Variants in CYB5R2 observed in about 807,000 individuals in gnomAD.
CYB5R2 encodes NADH-cytochrome b5 reductase 2.
Under a neutral mutation model 29.8 loss-of-function variants are expected in CYB5R2, and 35 were observed. The observed-to-expected ratio is 1.17, with a 90% CI of 0.90 to 1.56. The LOEUF (loss-of-function observed/expected upper bound fraction) is 1.56. CYB5R2 is among the 40% of genes most tolerant of loss of function. CYB5R2 has a pLI of 0.00. For synonymous variants in CYB5R2, 169 were observed against 130.6 expected, an observed-to-expected ratio of 1.29 and a Z score of -2.01; for missense variants, 419 against 346.7, an observed-to-expected ratio of 1.21 and a Z score of -1.66.
Position 7,667,646 on chromosome 11 carries a change from C to G in CYB5R2, c.558+82G>C. 25 of 1,275,062 alleles carry G rather than the reference C, an allele frequency of 2.0e-5. No homozygotes were observed. In the South Asian group the frequency reaches 3.0e-4, roughly 15 times the overall value. 79.0% of individuals were successfully genotyped at this position (1,275,062 alleles called of 1,614,324 possible). ...TGCAGGCACCCAAGCAGCATGAGCT[C>G]AGTCAATGCAGGAGAAATGAAAACA... On this transcript the variant is annotated intron_variant, in intron 7 of 8. Transcript: ENST00000299498.
At chr11:7,666,421 CAT>C in intron 8 of CYB5R2, 28 bp downstream of exon 8, 1 of 1,440,948 alleles carries the variant, frequency 6.9e-7, no homozygotes, top group Non-Finnish European at 9.8e-7. Flanking sequence ...GGTGCTGACC[CAT>C]GGTGAGTGAG....
In CYB5R2 at chr11:7,669,258, C is replaced by G. The variant is rs1225499249; in HGVS notation, c.335G>C (p.Gly112Ala). Residue 112 changes from glycine to alanine, a missense_variant, in exon 5 of 9, where the codon GGG becomes GCG. Transcript: ENST00000299498. ...TGGCCCTCGAAAAAAGATGGTCTCC[C>G]CGATTTTCATGTTCTCCAAATACTG... ...MTQYLENMKIGETIFFRGPRG... is the reference protein window; with the variant it reads ...MTQYLENMKIAETIFFRGPRG... 11 of 1,614,026 alleles carry G rather than the reference C, an allele frequency of 6.8e-6. No individual in the cohort carries two copies. The highest frequency in any genetic ancestry group is 9.3e-6 in the Non-Finnish European group (11 of 1,180,024).
intron 4 of CYB5R2, 63 bp downstream of exon 4, chr11:7,669,562 C>T: frequency 1.5e-6 from 2 of 1,372,754 alleles, no homozygotes; most frequent in Non-Finnish European, 1.0e-6. Context: ...ACTGCCCCTC[C>T]ACCCCACCAC....
chr11:7,674,159 G>A, upstream of CYB5R2: 2 of 1,233,612 alleles, frequency 1.6e-6, no homozygotes, highest in Non-Finnish European at 2.1e-6. Flanking sequence ...CCGGGCGGAG[G>A]GGGATGCTGG....
At position 7,665,859 on chromosome 11, in the gene CYB5R2, T is replaced by G. The variant is rs751143333; in HGVS notation, c.659-313A>C. On this transcript the variant is annotated intron_variant, in intron 8 of 8. Transcript: ENST00000299498. Reference sequence around the variant, plus strand: ...TGTGAATCAGTACAGCCAGCTGGAGTTGTCCGGCAGGGTGTGGCCTGGTGT... The same window carrying G: ...TGTGAATCAGTACAGCCAGCTGGAGGTGTCCGGCAGGGTGTGGCCTGGTGT... The G allele has an allele frequency of 9.1e-6, 14 of 1,535,780 alleles. 1 individual carries two copies. In the South Asian group the frequency reaches 1.4e-4, roughly 16 times the overall value.
chr11:7,669,031 C>T lies in CYB5R2; in HGVS notation c.388+174G>A, dbSNP rs760036370. On this transcript the variant is annotated intron_variant, in intron 5 of 8. Coordinates refer to ENST00000299498, the MANE Select transcript of CYB5R2 (RefSeq NM_016229.5). ...CCTACCTTACAAAAGCTGACAACCT[C>T]ATGAAGTGGGTGTGTGAATGTGTAA... 9.1e-5 allele frequency: 74 copies of T among 816,338 alleles called. No individual in the cohort carries two copies. The African/African-American group carries it at 1.2e-3, about 13-fold the overall frequency. 50.6% of individuals were successfully genotyped at this position (816,338 alleles called of 1,614,324 possible). A position where few individuals can be genotyped will look rare whatever the true frequency, so the allele number is the denominator to read the frequency against.
chr11:7,670,352 C>CA lies in CYB5R2; in HGVS notation c.152-622dup, dbSNP rs57253179. The CA allele has an allele frequency of 9.6e-3, 1,267 of 131,652 alleles. 19 individuals are homozygous for CA. The highest frequency in any genetic ancestry group is 0.032 in the African/African-American group (1,059 of 33,504). The allele number at this position is 131,652 out of a possible 1,614,324, so 8.2% of individuals were successfully genotyped here. ...TGGACGACAGAATGAGACCCTGTCTCAAAAAAAAAAAAAAAATTAGAAAGG... is the reference window on the plus strand; with the variant it reads ...TGGACGACAGAATGAGACCCTGTCTCAAAAAAAAAAAAAAAAATTAGAAAGG... On this transcript the variant is annotated intron_variant, in intron 3 of 8. Coordinates refer to ENST00000299498, the MANE Select transcript of CYB5R2 (RefSeq NM_016229.5).
chr11:7,668,427 G>A, intron 6 of CYB5R2, 51 bp downstream of exon 6: 2 of 1,387,192 alleles, frequency 1.4e-6, no homozygotes, highest in Non-Finnish European at 2.1e-6. Flanking sequence ...TCCCAAGTCA[G>A]AATGGGTCTC....
rs565176085 is a variant in CYB5R2, at chr11:7,668,920, T to G, written c.388+285A>C. On this transcript the variant is annotated intron_variant, in intron 5 of 8. Coordinates refer to ENST00000299498, the MANE Select transcript of CYB5R2 (RefSeq NM_016229.5). ...AAGGAGCATGGACTCCCTCCATCCA[T>G]TTTTCAGTATTAGCAGGCACCATTT... is the stretch of plus-strand genomic sequence containing the variant. The G allele has an allele frequency of 1.0e-5, 6 of 592,860 alleles. No homozygotes were observed. In the African/African-American group the frequency reaches 1.1e-4, roughly 11 times the overall value. The allele number at this position is 592,860 out of a possible 1,614,324, so 36.7% of individuals were successfully genotyped here.
At chr11:7,672,622 G>GCACACACATACACACACACA in intron 2 of CYB5R2, 99 bp from the exon 3 acceptor site, 1 of 1,236,672 alleles carries the variant, frequency 8.1e-7, no homozygotes, top group Non-Finnish European at 1.2e-6. Flanking sequence ...CGCTATTCCA[G>GCACACACATACACACACACA]CACACACACA....
chr11:7,668,789 T>G (rs1855529481), intron 5 of CYB5R2: 4 of 601,582 alleles, frequency 6.6e-6, no homozygotes, highest in Admixed American at 2.9e-5. Flanking sequence ...CCGGGCCTTC[T>G]GTTCTGAGGA....
At position 7,665,509 on chromosome 11, in the gene CYB5R2, C is replaced by T; in HGVS notation, c.696G>A (p.Met232Ile). The part of the protein sequence containing the change: ...KYSSGFVTAD[M>I]IKEHLPPPAK... ...CTGGAGGAGGAAGGTGCTCCTTGAT[C>T]ATGTCGGCAGTAACGAAGCCTGAGC... is the stretch of plus-strand genomic sequence containing the variant. Residue 232 changes from methionine (M) to isoleucine (I), a missense_variant, in exon 9 of 9, where the codon ATG becomes ATA. Transcript: ENST00000299498. 3 of 1,613,110 alleles carry T rather than the reference C, an allele frequency of 1.9e-6. No individual in the cohort carries two copies. Among genetic ancestry groups the T allele is most frequent in the Non-Finnish European group, 2.5e-6 (3 of 1,179,472 alleles).
chr11:7,666,618 C>T (rs556079821), intron 7 of CYB5R2, 68 bp from the exon 8 acceptor site: 21 of 1,169,448 alleles, frequency 1.8e-5, no homozygotes, highest in African/African-American at 4.6e-5. Flanking sequence ...CTGACTACAC[C>T]GGTCAGCATA....
intron 4 of CYB5R2, 119 bp from the exon 5 acceptor site, chr11:7,669,453 G>A: frequency 7.4e-7 from 1 of 1,355,978 alleles, no homozygotes; most frequent in East Asian, 2.3e-5. Context: ...TCTCTGAATT[G>A]TTGTACGCAA....
At chr11:7,666,128 C>CCTGTAAT in intron 8 of CYB5R2, 1 of 613,058 alleles carries the variant, frequency 1.6e-6, no homozygotes, top group Non-Finnish European at 2.9e-6. Context: ...GGGGTCAGTG[C>CCTGTAAT]CCATATTAGA....
At chr11:7,673,521 G>C, upstream of CYB5R2, 1 of 985,640 alleles carries the variant, frequency 1.0e-6, no homozygotes, top group Non-Finnish European at 1.2e-6. Context: ...AATCCGAGCC[G>C]GCCCGCCCCA....
Position 7,672,741 on chromosome 11 carries a change from C to G in CYB5R2, c.78+7G>C, listed in dbSNP as rs1427038018. The stretch of plus-strand genomic sequence containing the variant: ...ACTGCCTTCCACCCACAGGGCTGAC[C>G]CATTACCTCTTTCTCAATCAAGGGC... On this transcript the variant is annotated splice_region_variant and intron_variant, in intron 2 of 8. Transcript: ENST00000299498. The G allele has an allele frequency of 1.2e-6, 2 of 1,614,132 alleles. No individual in the cohort carries two copies. The highest frequency in any genetic ancestry group is 1.7e-6 in the Non-Finnish European group (2 of 1,180,018).
intron 3 of CYB5R2, chr11:7,671,131 G>A (rs1015397588): frequency 6.6e-6 from 1 of 152,274 alleles, no homozygotes; most frequent in African/African-American, 2.4e-5. Flanking sequence ...AATGACTCTG[G>A]TCATGGTCCC....
chr11:7,669,404 G>A lies in CYB5R2; in HGVS notation c.259-70C>T. On this transcript the variant is annotated intron_variant, in intron 4 of 8. Transcript: ENST00000299498. Reference sequence around the variant, plus strand: ...CCACAGCCACGTACAACTAGAAAATGCATTTACTGCTGGAAGCTTTGCAGA... The same window carrying A: ...CCACAGCCACGTACAACTAGAAAATACATTTACTGCTGGAAGCTTTGCAGA... 3.9e-6 allele frequency: 6 copies of A among 1,524,490 alleles called. No individual in the cohort carries two copies. The South Asian group carries it at 5.2e-5, about 13-fold the overall frequency. The allele number at this position is 1,524,490 out of a possible 1,614,324, so 94.4% of individuals were successfully genotyped here. A position where few individuals can be genotyped will look rare whatever the true frequency, so the allele number is the denominator to read the frequency against.
Sources: allele counts gnomAD v4.1 joint callset, GRCh38; gene constraint gnomAD v4.1.1; transcripts MANE v1.5; gene names NCBI Gene and HGNC (gene_info 2026-07-23, HGNC 2026-07-21).